Variants in ANAPC1 observed in about 807,000 individuals in gnomAD.
The protein encoded by ANAPC1 is anaphase-promoting complex subunit 1.
ANAPC1 carries 36 observed loss-of-function variants against 208.0 expected under a neutral mutation model. That is an observed-to-expected ratio of 0.17 (90% CI 0.13 to 0.23). ANAPC1 has a LOEUF of 0.23. ANAPC1 is among the 10% of genes least tolerant of loss of function. ANAPC1 has a pLI of 1.00. For missense variants in ANAPC1, 942 were observed against 2,011.6 expected (o/e 0.47, Z 10.17); for synonymous variants, 378 against 695.2 (o/e 0.54, Z 7.18).
At chr2:111,827,720 C>T (rs895490649) in intron 21 of ANAPC1, among the ~76,000 whole-genome samples, 3 of 151,926 alleles carry the variant, frequency 2.0e-5, no homozygotes, top group Admixed American at 6.6e-5. Context: ...TGCACCACTG[C>T]ACTCCAGCCT....
chr2:111,772,323 A>C lies in ANAPC1; in HGVS notation c.5719+18T>G. 1 of 1,613,840 alleles carries C rather than the reference A, an allele frequency of 6.2e-7. No individual in the cohort carries two copies. The highest frequency in any genetic ancestry group is 8.5e-7 in the Non-Finnish European group (1 of 1,179,840). On this transcript the variant is annotated intron_variant, in intron 47 of 47. Transcript: ENST00000341068. ...AGGTAACAGAGTTACTGAAGATAAG[A>C]CTTAGATATGCAATTACCTTCTAGT... is the stretch of plus-strand genomic sequence containing the variant.
chr2:111,852,057 A>G (rs1204984864), intron 13 of ANAPC1, among the ~76,000 whole-genome samples: 1 of 151,536 alleles, frequency 6.6e-6, no homozygotes, highest in Non-Finnish European at 1.5e-5. Flanking sequence ...AAACAAAAAT[A>G]ACAGTGAGAA....
chr2:111,837,168 T>C (rs572641883), intron 18 of ANAPC1, among the ~76,000 whole-genome samples: 1 of 152,130 alleles, frequency 6.6e-6, no homozygotes. Flanking sequence ...TCTGTAACAA[T>C]ATGAATTAAT....
At position 111,824,979 on chromosome 2, in the gene ANAPC1, C is replaced by G. The variant is rs1220605664; in HGVS notation, c.2799G>C (p.Trp933Cys). 1 of 1,613,810 alleles carries G rather than the reference C, an allele frequency of 6.2e-7. No homozygotes were observed. Among genetic ancestry groups the G allele is most frequent in the East Asian group, 2.2e-5 (1 of 44,880 alleles). The change falls in exon 24 of 48, where the codon TGG becomes TGC. Residue 933 changes from tryptophan (W) to cysteine (C), a missense_variant. Trp to Cys is a radical substitution (Grantham distance 215). Coordinates refer to ENST00000341068, the MANE Select transcript of ANAPC1 (RefSeq NM_022662.4). The part of the protein sequence containing the change: ...VSSLAERLVV[W>C]MTNVGFTLRD... Reference sequence around the variant, plus strand: ...AGAAGCTCTCACCTACATTAGTCATCCAGACAACCAATCTTTCAGCTAGAC... The same window carrying G: ...AGAAGCTCTCACCTACATTAGTCATGCAGACAACCAATCTTTCAGCTAGAC...
chr2:111,873,666 TA>T lies in ANAPC1; in HGVS notation c.376-3del. The T allele has an allele frequency of 1.3e-6, 2 of 1,585,000 alleles. No homozygotes were observed. Among genetic ancestry groups the T allele is most frequent in the South Asian group, 1.2e-5 (1 of 82,922 alleles). ...TATAATGAAGTCACACCACAATGCC[TA>T]AAATCAAAACAAAATGCTTACCTAA... On this transcript the variant is annotated splice_polypyrimidine_tract_variant and splice_region_variant and intron_variant, in intron 3 of 47. Coordinates refer to ENST00000341068, the MANE Select transcript of ANAPC1 (RefSeq NM_022662.4).
rs1676783174 is a variant in ANAPC1 at position 111,772,299 on chromosome 2, G to A, written c.5719+42C>T. ...TGAGAAACTAGAACATAAAGGGGTA[G>A]GTAACAGAGTTACTGAAGATAAGAC... On this transcript the variant is annotated intron_variant, in intron 47 of 47. Transcript: ENST00000341068. 1.9e-6 allele frequency: 3 copies of A among 1,613,686 alleles called. No homozygotes were observed. The South Asian group carries it at 3.3e-5, about 18-fold the overall frequency.
rs528080109 is a variant in ANAPC1, at chr2:111,839,034, T to C, written c.2041-522A>G. On this transcript the variant is annotated intron_variant, in intron 17 of 47. Coordinates refer to ENST00000341068, the MANE Select transcript of ANAPC1 (RefSeq NM_022662.4). The stretch of plus-strand genomic sequence containing the variant: ...GCCAGACTACATACATACGTCTGCC[T>C]CCTTTGAAGTTAGGTGTGACCCTTT... Among the ~76,000 whole-genome samples the C allele has an allele frequency of 2.0e-5, 3 of 152,314 alleles. No individual in the cohort carries two copies. The South Asian group carries it at 6.2e-4, about 32-fold the overall frequency.
Position 111,865,033 on chromosome 2 carries a change from TTAAAGA to T in ANAPC1, c.686-88_686-83del, listed in dbSNP as rs59503862. On this transcript the variant is annotated intron_variant, in intron 7 of 47. Transcript: ENST00000341068. Reference sequence around the variant, plus strand: ...TTTATGAACAGAGCTCTTAAAATTGTTAAAGATAAAGAACAACCAAGCCAAAGAGAG... The same window carrying T: ...TTTATGAACAGAGCTCTTAAAATTGTTAAAGAACAACCAAGCCAAAGAGAG... 6,059 of 1,461,916 alleles carry T rather than the reference TTAAAGA, an allele frequency of 4.1e-3. 191 individuals are homozygous for T. The African/African-American group carries it at 0.073, about 18-fold the overall frequency. 90.6% of individuals were successfully genotyped at this position (1,461,916 alleles called of 1,614,324 possible). A position where few individuals can be genotyped will look rare whatever the true frequency, so the allele number is the denominator to read the frequency against.
At chr2:111,787,613 C>G (rs1677634890) in intron 39 of ANAPC1, among the ~76,000 whole-genome samples, 1 of 152,140 alleles carries the variant, frequency 6.6e-6, no homozygotes, top group Non-Finnish European at 1.5e-5. Context: ...CCCCCATATG[C>G]AAGAGATCTG....
At chr2:111,771,457 G>C (rs1392382721) in intron 47 of ANAPC1, among the ~76,000 whole-genome samples, 1 of 151,548 alleles carries the variant, frequency 6.6e-6, no homozygotes, top group Admixed American at 6.6e-5. Flanking sequence ...CCCAACCTCT[G>C]GCTCCTCAGC....
intron 27 of ANAPC1, among the ~76,000 whole-genome samples, chr2:111,817,562 A>C (rs1679304138): frequency 6.6e-6 from 1 of 152,120 alleles, no homozygotes; most frequent in Non-Finnish European, 1.5e-5. Context: ...AGGGCTCAGA[A>C]TAAGCATGAT....
In ANAPC1 at chr2:111,874,219, ATTT is replaced by A. The variant is rs780239095; in HGVS notation, c.376-558_376-556del. On this transcript the variant is annotated intron_variant, in intron 3 of 47. Transcript: ENST00000341068. ...CTGACATACCTGGCAATCACTTATT[ATTT>A]AACAGCATTTTGTGTTTTTTTTTAA... 6.6e-5 allele frequency among the ~76,000 whole-genome samples: 10 copies of A among 152,336 alleles called. No homozygotes were observed. The Middle Eastern group carries it at 0.01, about 155-fold the overall frequency.
intron 11 of ANAPC1, 56 bp downstream of exon 11, chr2:111,858,250 A>G (rs1470142803): frequency 7.4e-6 from 10 of 1,348,490 alleles, no homozygotes; most frequent in African/African-American, 6.0e-5. Flanking sequence ...GAAAAGAAAA[A>G]GAAAAAGCAG....
intron 6 of ANAPC1, among the ~76,000 whole-genome samples, chr2:111,870,881 A>C (rs1040116733): frequency 7.2e-5 from 11 of 152,146 alleles, no homozygotes; most frequent in Admixed American, 5.9e-4. Flanking sequence ...TGAGAGATAA[A>C]AAAAACCCAA....
intron 13 of ANAPC1, among the ~76,000 whole-genome samples, chr2:111,856,222 G>A (rs532880714): frequency 4.6e-5 from 7 of 152,216 alleles, no homozygotes; most frequent in African/African-American, 7.2e-5. Context: ...GCAACAGAGC[G>A]AGACTCCGTC....
At chr2:111,788,716 A>G (rs1206681867) in intron 38 of ANAPC1, among the ~76,000 whole-genome samples, 1 of 151,200 alleles carries the variant, frequency 6.6e-6, no homozygotes, top group African/African-American at 2.5e-5. Flanking sequence ...TAAATATACA[A>G]TTATAAATCT....
chr2:111,793,181 T>C (rs545880735), intron 37 of ANAPC1, among the ~76,000 whole-genome samples: 22 of 152,216 alleles, frequency 1.4e-4, no homozygotes, highest in African/African-American at 5.1e-4. Context: ...TTTTAACCTT[T>C]TAAATGACCT....
At chr2:111,845,621 G>A (rs1451672987) in intron 16 of ANAPC1, among the ~76,000 whole-genome samples, 2 of 152,074 alleles carry the variant, frequency 1.3e-5, no homozygotes, top group Admixed American at 6.5e-5. Context: ...ATTATTATTT[G>A]TTTTTATATA....
intron 1 of ANAPC1, among the ~76,000 whole-genome samples, chr2:111,883,441 G>A (rs918741974): frequency 3.3e-5 from 5 of 151,532 alleles, no homozygotes; most frequent in African/African-American, 4.9e-5. Context: ...TTACTTGTTA[G>A]GTGCAACATA....
Sources: allele counts gnomAD v4.1 joint callset (sites outside exome capture counted in the v4.1 genomes callset), GRCh38; gene constraint gnomAD v4.1.1; transcripts MANE v1.5; gene names NCBI Gene and HGNC (gene_info 2026-07-23, HGNC 2026-07-21).